The following CACNB2 variants were observed in gnomAD, a reference collection of about 807,000 sequenced individuals.
CACNB2 encodes voltage-dependent L-type calcium channel subunit beta-2.
Under a neutral mutation model 73.3 loss-of-function variants are expected in CACNB2, and 42 were observed. The observed-to-expected ratio is 0.57, with a 90% confidence interval of 0.45 to 0.74. The LOEUF is 0.74. Among genes scored for constraint, CACNB2 ranks in the 30% least tolerant of loss-of-function variants. The pLI is 0.00. For synonymous variants in CACNB2, 348 were observed against 310.3 expected, an observed-to-expected ratio of 1.12 and a Z score of -1.28; for missense variants, 940 against 853.0, an observed-to-expected ratio of 1.10 and a Z score of -1.27.
intron 2 of CACNB2, among the ~76,000 whole-genome samples, chr10:18,327,475 AGG>A (rs1420280911): frequency 1.3e-5 from 2 of 152,126 alleles, no homozygotes; most frequent in Non-Finnish European, 2.9e-5. Context: ...CCTAGGCTGG[AGG>A]GCAGTGGAGT....
chr10:18,164,952 T>C (rs1024038900), intron 2 of CACNB2, among the ~76,000 whole-genome samples: 3 of 152,182 alleles, frequency 2.0e-5, no homozygotes, highest in African/African-American at 7.2e-5. Context: ...ATTCATTTTT[T>C]TTCACCAACA....
At chr10:18,475,783 C>T (rs1384628087) in intron 3 of CACNB2, among the ~76,000 whole-genome samples, 4 of 152,144 alleles carry the variant, frequency 2.6e-5, no homozygotes, top group Non-Finnish European at 5.9e-5. Context: ...TGTGTTCAGA[C>T]TCACTTCACA....
At position 18,539,791 on chromosome 10, in the gene CACNB2, A is replaced by T; in HGVS notation, c.*67A>T. 6.6e-7 allele frequency: 1 copy of T among 1,503,934 alleles called. No individual in the cohort carries two copies. 93.2% of individuals were successfully genotyped at this position (1,503,934 alleles called of 1,614,324 possible). On this transcript the variant is annotated 3_prime_UTR_variant, in exon 14 of 14. Transcript: ENST00000324631. ...TTGTATAACTAACAGCATCCCCAAA[A>T]CAAAGTCTTTGGGGTCTACACTGCA... is the stretch of plus-strand genomic sequence containing the variant.
At chr10:18,456,132 G>C (rs2047266242) in intron 3 of CACNB2, among the ~76,000 whole-genome samples, 1 of 152,152 alleles carries the variant, frequency 6.6e-6, no homozygotes, top group Non-Finnish European at 1.5e-5. Flanking sequence ...CTTGACAGAT[G>C]AATGTACATG....
chr10:18,473,023 T>C (rs2048270016), intron 3 of CACNB2, among the ~76,000 whole-genome samples: 1 of 152,186 alleles, frequency 6.6e-6, no homozygotes. Flanking sequence ...TTCCTGAATG[T>C]GGGATATGTT....
chr10:18,455,582 G>A (rs1288985000), intron 3 of CACNB2, among the ~76,000 whole-genome samples: 1 of 152,168 alleles, frequency 6.6e-6, no homozygotes, highest in African/African-American at 2.4e-5. Context: ...AGAAAATGCT[G>A]GTGAAGGAGT....
chr10:18,466,791 G>A (rs192738129), intron 3 of CACNB2, among the ~76,000 whole-genome samples: 2 of 152,138 alleles, frequency 1.3e-5, no homozygotes, highest in Admixed American at 6.5e-5. Context: ...ACTGGGCCCC[G>A]GATTGAAGCA....
At chr10:18,229,596 A>G (rs2036147938) in intron 2 of CACNB2, among the ~76,000 whole-genome samples, 1 of 152,330 alleles carries the variant, frequency 6.6e-6, no homozygotes, top group East Asian at 1.9e-4. Context: ...GCAGCATGAA[A>G]AATGTATTAA....
At chr10:18,233,777 G>A (rs1248949877) in intron 2 of CACNB2, among the ~76,000 whole-genome samples, 2 of 152,100 alleles carry the variant, frequency 1.3e-5, no homozygotes, top group Non-Finnish European at 2.9e-5. Flanking sequence ...AGGTAGTGTG[G>A]GGCACAAAAG....
In CACNB2 at chr10:18,195,630, G is replaced by A. The variant is rs141838725; in HGVS notation, c.213+44655G>A. Among the ~76,000 whole-genome samples the A allele has an allele frequency of 7.2e-3, 1,097 of 152,340 alleles. 12 individuals are homozygous for A. Among genetic ancestry groups the A allele is most frequent in the African/African-American group, 0.025 (1,022 of 41,584 alleles). On this transcript the variant is annotated intron_variant, in intron 2 of 13. Transcript: ENST00000324631. ...ATGCTGGGATGCACGTGCCAAGAAT[G>A]TTCTCTGTTCTTTAGACTGTTCAGA...
At chr10:18,493,767 T>G (rs74840474) in intron 3 of CACNB2, among the ~76,000 whole-genome samples, 3,855 of 152,228 alleles carry the variant, frequency 0.025, 139 homozygotes, top group South Asian at 0.15. Context: ...TGAATGAAAT[T>G]AATATGGAGA....
intron 11 of CACNB2, 60 bp from the exon 12 acceptor site, chr10:18,536,041 T>C: frequency 1.0e-6 from 1 of 995,026 alleles, no homozygotes; most frequent in Non-Finnish European, 1.6e-6. Flanking sequence ...GTCAATAATG[T>C]ACCTTGTACT....
At chr10:18,332,833 A>C (rs2040855969) in intron 2 of CACNB2, among the ~76,000 whole-genome samples, 1 of 152,334 alleles carries the variant, frequency 6.6e-6, no homozygotes, top group East Asian at 1.9e-4. Flanking sequence ...CATAATCAGC[A>C]GTTCATTTAC....
At chr10:18,366,304 A>C (rs1182944648) in intron 2 of CACNB2, among the ~76,000 whole-genome samples, 1 of 151,202 alleles carries the variant, frequency 6.6e-6, no homozygotes, top group African/African-American at 2.4e-5. Context: ...TCTCTACTAA[A>C]AATACAAAAA....
At chr10:18,249,924 C>A (rs2131548318) in intron 2 of CACNB2, among the ~76,000 whole-genome samples, 1 of 152,096 alleles carries the variant, frequency 6.6e-6, no homozygotes, top group South Asian at 2.1e-4. Flanking sequence ...AAATATTTTT[C>A]TTCTCAGGAA....
chr10:18,261,908 G>A, intron 2 of CACNB2: 1 of 518,012 alleles, frequency 1.9e-6, no homozygotes, highest in Middle Eastern at 3.2e-4. Flanking sequence ...TACAAGGCAG[G>A]CTCACACAAA....
intron 2 of CACNB2, among the ~76,000 whole-genome samples, chr10:18,327,753 T>A (rs956441151): frequency 6.6e-6 from 1 of 152,072 alleles, no homozygotes; most frequent in African/African-American, 2.4e-5. Context: ...AATGACCACA[T>A]TTATACCCTG....
intron 2 of CACNB2, among the ~76,000 whole-genome samples, chr10:18,183,705 C>G (rs1414186984): frequency 1.3e-5 from 2 of 152,210 alleles, no homozygotes; most frequent in African/African-American, 2.4e-5. Context: ...ATGGGAGCTA[C>G]AACTCAAGAG....
At chr10:18,378,681 G>A (rs142910787) in intron 2 of CACNB2, among the ~76,000 whole-genome samples, 252 of 152,210 alleles carry the variant, frequency 1.7e-3, no homozygotes, top group African/African-American at 5.8e-3. Flanking sequence ...AGCCCAGAAG[G>A]CCAAGGCTGG....
Sources: gnomAD v4.1 joint callset for allele counts (sites outside exome capture counted in the v4.1 genomes callset) on GRCh38, gnomAD v4.1.1 for gene constraint, MANE v1.5 for transcripts, NCBI Gene and HGNC (gene_info 2026-07-23, HGNC 2026-07-21) for gene names.